The following SCAP variants were observed in gnomAD, a reference collection of about 807,000 sequenced individuals.
SCAP encodes SREBF chaperone, also known as sterol regulatory element-binding protein cleavage-activating protein.
A neutral mutation model predicts 123.6 loss-of-function variants in SCAP; 65 were observed. The observed-to-expected ratio is 0.53, with a 90% CI of 0.43 to 0.65. SCAP has a LOEUF of 0.65. Among genes scored for constraint, SCAP ranks in the 30% least tolerant of loss-of-function variants. The pLI, the probability that SCAP is intolerant of heterozygous loss-of-function variation, is 0.00. For synonymous variants in SCAP, 740 were observed against 726.3 expected (o/e 1.02, Z -0.30); for missense variants, 1,398 against 1,712.5 (o/e 0.82, Z 3.24).
intron 2 of SCAP, among the ~76,000 whole-genome samples, chr3:47,437,445 A>AC (rs1706624543): frequency 6.9e-6 from 1 of 144,598 alleles, no homozygotes; most frequent in East Asian, 2.1e-4. Flanking sequence ...AAAAAAAAAA[A>AC]GGAGAATAAA....
rs1252512078 is a variant in SCAP at position 47,420,503 on chromosome 3, G to A, written c.1563+51C>T. On this transcript the variant is annotated intron_variant, in intron 12 of 22. Coordinates refer to ENST00000265565, the MANE Select transcript of SCAP (RefSeq NM_012235.4). The surrounding 1 kb of genome is among the most constrained non-coding windows in gnomAD (Gnocchi z 5.0). ...CCAAGTGCAGCACCACAAGGGGCCT[G>A]GAGCACCGGCCCTCCAGAAGAGGGC... 10 of 1,484,620 alleles carry A rather than the reference G, an allele frequency of 6.7e-6. No homozygotes were observed. The East Asian group carries it at 1.9e-4, about 28-fold the overall frequency. The allele number at this position is 1,484,620 out of a possible 1,614,324, so 92.0% of individuals were successfully genotyped here.
At chr3:47,469,211 G>A (rs1707946098) in intron 1 of SCAP, among the ~76,000 whole-genome samples, 1 of 152,304 alleles carries the variant, frequency 6.6e-6, no homozygotes, top group South Asian at 2.1e-4. Flanking sequence ...AGCCGGGTGT[G>A]GTGGCACATG....
rs538250696 is a variant in SCAP at position 47,464,933 on chromosome 3, T to C, written c.-99+10866A>G. On this transcript the variant is annotated intron_variant, in intron 1 of 22. Transcript: ENST00000265565. ...TTCAACAAAGTTGTAGGATGCAAAA[T>C]GAACATGCAAAAATCAGTTGCATTT... 2.6e-5 allele frequency among the ~76,000 whole-genome samples: 4 copies of C among 152,240 alleles called. No homozygotes were observed. In the South Asian group the frequency reaches 8.3e-4, roughly 32 times the overall value.
intron 3 of SCAP, among the ~76,000 whole-genome samples, chr3:47,430,516 A>T (rs1706312163): frequency 6.6e-6 from 1 of 152,230 alleles, no homozygotes; most frequent in Non-Finnish European, 1.5e-5. Context: ...AGGGATGCTG[A>T]GAGCACAGAA....
At position 47,414,335 on chromosome 3, in the gene SCAP, C is replaced by T. The variant is rs145304115; in HGVS notation, c.3439G>A (p.Val1147Ile). 270 of 1,613,056 alleles carry T rather than the reference C, an allele frequency of 1.7e-4. No homozygotes were observed. The highest frequency in any genetic ancestry group is 2.2e-4 in the Non-Finnish European group (256 of 1,180,034). Residue 1147 changes from valine (V) to isoleucine (I), a missense_variant, in exon 22 of 23, where the codon GTA becomes ATA. By Grantham distance (29) the Val-to-Ile change is conservative. This residue lies in a region of SCAP where 130 missense variants were observed against 166.7 expected (regional missense o/e 0.78). Coordinates refer to ENST00000265565, the MANE Select transcript of SCAP (RefSeq NM_012235.4). ...TGGCTGACCCGGCTGCCAGTCAGTA[C>T]ATCCCACAGGCAGATGGCCCCATCT... ...GQDGAICLWDVLTGSRVSHVF... is the reference protein window; with the variant it reads ...GQDGAICLWDILTGSRVSHVF...
chr3:47,432,188 G>A (rs1346420183), intron 3 of SCAP, among the ~76,000 whole-genome samples: 3 of 151,632 alleles, frequency 2.0e-5, no homozygotes, highest in Admixed American at 1.3e-4. Flanking sequence ...GTGGTGGTGC[G>A]TGCCTGTAGT....
intron 3 of SCAP, among the ~76,000 whole-genome samples, chr3:47,429,183 C>T (rs192300733): frequency 1.3e-5 from 2 of 152,280 alleles, no homozygotes; most frequent in East Asian, 3.9e-4. Context: ...CTCCGGTCTC[C>T]TAGGGAGTCA....
rs545311680 is a variant in SCAP at position 47,418,099 on chromosome 3, G to T, written c.2447+35C>A. 96 of 1,503,050 alleles carry T rather than the reference G, an allele frequency of 6.4e-5. No individual in the cohort carries two copies. The South Asian group carries it at 1.1e-3, about 17-fold the overall frequency. The allele number at this position is 1,503,050 out of a possible 1,614,324, so 93.1% of individuals were successfully genotyped here. A position where few individuals can be genotyped will look rare whatever the true frequency, so the allele number is the denominator to read the frequency against. On this transcript the variant is annotated intron_variant, in intron 16 of 22. Coordinates refer to ENST00000265565, the MANE Select transcript of SCAP (RefSeq NM_012235.4). ...CGGGGGGTGGGGTGAGGGGGGTTGT[G>T]GGGGCACAAAGGAGGAAAGGGCAGC...
intron 1 of SCAP, among the ~76,000 whole-genome samples, chr3:47,448,949 T>C (rs1214913678): frequency 6.6e-6 from 1 of 152,222 alleles, no homozygotes; most frequent in African/African-American, 2.4e-5. Flanking sequence ...CTAGCTCTTG[T>C]TTAAGTCCCA....
At position 47,417,654 on chromosome 3, in the gene SCAP, T is replaced by A; in HGVS notation, c.2620A>T (p.Thr874Ser). 6.2e-7 allele frequency: 1 copy of A among 1,607,890 alleles called. No homozygotes were observed. Among genetic ancestry groups the A allele is most frequent in the South Asian group, 1.1e-5 (1 of 90,688 alleles). The change falls in exon 17 of 23, where the codon ACC (threonine) becomes TCC (serine). Residue 874 changes from threonine to serine, a missense_variant. Thr to Ser is a moderately conservative substitution (Grantham distance 58). Transcript: ENST00000265565. ...GAAAAGTTGGTGTCAATTAAGCAGG[T>A]GAGGTCAGGCTGGTCCCCGAAGAGG... is the stretch of plus-strand genomic sequence containing the variant. ...PSLFGDQPDL[T>S]CLIDTNFSAQ...
At chr3:47,431,600 G>C (rs149711392) in intron 3 of SCAP, among the ~76,000 whole-genome samples, 51 of 152,092 alleles carry the variant, frequency 3.4e-4, no homozygotes, top group Non-Finnish European at 5.1e-4. Flanking sequence ...CATTTTGTAG[G>C]GTGTTCCTCA....
At chr3:47,459,398 G>A (rs1034386855) in intron 1 of SCAP, among the ~76,000 whole-genome samples, 3 of 152,148 alleles carry the variant, frequency 2.0e-5, no homozygotes, top group South Asian at 4.1e-4. Flanking sequence ...GACGAGTCTC[G>A]TTGCGTTACT....
chr3:47,441,516 G>GA (rs1287372348), intron 2 of SCAP, among the ~76,000 whole-genome samples: 3 of 149,738 alleles, frequency 2.0e-5, no homozygotes, highest in African/African-American at 4.9e-5. Context: ...TAACTTAAAG[G>GA]AAAAAAAAAC....
rs1706515157 is a variant in SCAP, at chr3:47,435,064, G to A, written c.196C>T (p.Pro66Ser). The A allele has an allele frequency of 1.2e-6, 2 of 1,614,042 alleles. No individual in the cohort carries two copies. Among genetic ancestry groups the A allele is most frequent in the African/African-American group, 2.7e-5 (2 of 74,918 alleles). The change falls in exon 3 of 23, where the codon CCC (proline) becomes TCC (serine). Residue 66 changes from proline to serine, a missense_variant. This residue lies in a region of SCAP where 319 missense variants were observed against 432.4 expected (regional missense o/e 0.74). Coordinates refer to ENST00000265565, the MANE Select transcript of SCAP (RefSeq NM_012235.4). ...EFTTPVKDYS[P>S]PPVDSDRKQG... ...TTGCGGTCAGAGTCCACAGGTGGGGGCGAGTAATCCTTCACAGGGGTGGTG... is the reference window on the plus strand; with the variant it reads ...TTGCGGTCAGAGTCCACAGGTGGGGACGAGTAATCCTTCACAGGGGTGGTG...
rs1016389102 is a variant in SCAP at position 47,420,317 on chromosome 3, G to C, written c.1563+237C>G. On this transcript the variant is annotated intron_variant, in intron 12 of 22. Coordinates refer to ENST00000265565, the MANE Select transcript of SCAP (RefSeq NM_012235.4). The surrounding 1 kb of genome is among the most constrained non-coding windows in gnomAD (Gnocchi z 5.0). ...CCTGTCCTGGGCCACTCTGGGGAGA[G>C]GATGGCTCCTGTACCTGAGAACCCT... Among the ~76,000 whole-genome samples the C allele has an allele frequency of 6.6e-6, 1 of 152,182 alleles. No homozygotes were observed. Among genetic ancestry groups the C allele is most frequent in the Non-Finnish European group, 1.5e-5 (1 of 68,020 alleles).
intron 1 of SCAP, among the ~76,000 whole-genome samples, chr3:47,455,364 A>G (rs4858896): frequency 0.99 from 149,383 of 151,364 alleles, 73,747 homozygotes; most frequent in East Asian, 1. Flanking sequence ...GGAGGCCGAG[A>G]TGGGCAGATC....
intron 1 of SCAP, among the ~76,000 whole-genome samples, chr3:47,455,028 T>C (rs1173447268): frequency 2.7e-5 from 4 of 146,368 alleles, no homozygotes; most frequent in Non-Finnish European, 6.0e-5. Flanking sequence ...AATGATATTA[T>C]GTACAAAATC....
intron 6 of SCAP, 151 bp from the exon 7 acceptor site, chr3:47,426,320 T>C (rs1706128754): frequency 1.4e-6 from 1 of 732,210 alleles, no homozygotes; most frequent in Non-Finnish European, 2.1e-6. Flanking sequence ...CTCTATAGTC[T>C]CCAGGGGCAC....
chr3:47,417,475 C>T lies in SCAP; in HGVS notation c.2799G>A (p.Leu933=). 1.3e-6 allele frequency: 2 copies of T among 1,550,682 alleles called. No individual in the cohort carries two copies. The highest frequency in any genetic ancestry group is 1.7e-6 in the Non-Finnish European group (2 of 1,147,722). ...EGLAAVCTPA[L]RPPSPGPVLS... is the part of the protein sequence containing the mutation. ...GCACCGGCCCAGGCGAGGGTGGGCG[C>T]AGGGCTGGTGTGCAGACGGCCGCCA... The change falls in exon 17 of 23, where the codon CTG becomes CTA. Residue 933 remains leucine (L), a synonymous_variant. Coordinates refer to ENST00000265565, the MANE Select transcript of SCAP (RefSeq NM_012235.4).
Sources: gnomAD v4.1 joint callset for allele counts (sites outside exome capture counted in the v4.1 genomes callset) on GRCh38, gnomAD v4.1.1 for gene constraint, gnomAD v4.1.1 regional missense constraint, Gnocchi (gnomAD v3.1) non-coding constraint, MANE v1.5 for transcripts, NCBI Gene and HGNC (gene_info 2026-07-23, HGNC 2026-07-21) for gene names.